HSD17B6: variants seen among roughly 807,000 people sequenced by gnomAD.
HSD17B6 encodes the protein 17-beta-hydroxysteroid dehydrogenase type 6.
A neutral mutation model predicts 26.4 loss-of-function variants in HSD17B6; 16 were observed. The ratio of observed to expected loss-of-function variants is 0.61; its 90% CI spans 0.41 to 0.92. The LOEUF is 0.92. Ranked by LOEUF, HSD17B6 falls within the 40% of genes least tolerant of loss-of-function variation. The pLI is 0.00. For missense variants in HSD17B6, 357 were observed against 386.1 expected, an observed-to-expected ratio of 0.92 and a Z score of 0.63; for synonymous variants, 139 against 153.0, an observed-to-expected ratio of 0.91 and a Z score of 0.68.
intron 1 of HSD17B6, among the ~76,000 whole-genome samples, chr12:56,768,181 A>C (rs1954385480): frequency 6.6e-6 from 1 of 152,122 alleles, no homozygotes; most frequent in South Asian, 2.1e-4. Flanking sequence ...AGGATCTAAG[A>C]ATCAGATAAA....
Position 56,787,189 on chromosome 12 carries a change from C to A in HSD17B6, c.801C>A (p.Cys267Ter). ...CSTNLNLVTD[C>*]MEHALTSVHP... Reference sequence around the variant, plus strand: ...CAAACCTGAACCTGGTCACTGACTGCATGGAACATGCTCTGACATCGGTGC... The same window carrying A: ...CAAACCTGAACCTGGTCACTGACTGAATGGAACATGCTCTGACATCGGTGC... The change falls in exon 5 of 5, where the codon TGC (cysteine) becomes TGA (stop). Residue 267 changes from cysteine to a stop codon, truncating the protein, a stop_gained. Coordinates refer to ENST00000322165, the MANE Select transcript of HSD17B6 (RefSeq NM_003725.4). LOFTEE classifies it low-confidence loss of function (END_TRUNC). 5.6e-6 allele frequency: 9 copies of A among 1,614,184 alleles called. No individual in the cohort carries two copies. The highest frequency in any genetic ancestry group is 6.8e-6 in the Non-Finnish European group (8 of 1,180,010).
intron 2 of HSD17B6, 99 bp from the exon 3 acceptor site, chr12:56,781,875 G>T: frequency 7.9e-7 from 1 of 1,263,518 alleles, no homozygotes; most frequent in Non-Finnish European, 1.1e-6. Context: ...GGTGGTTAGT[G>T]GTTATGATTC....
chr12:56,772,560 G>T (rs993045557), intron 1 of HSD17B6, among the ~76,000 whole-genome samples: 2 of 151,920 alleles, frequency 1.3e-5, no homozygotes, highest in Non-Finnish European at 2.9e-5. Context: ...GCCCGGCTTG[G>T]TGGCACGTGC....
rs777886944 is a variant in HSD17B6, at chr12:56,787,231, T to C, written c.843T>C (p.Tyr281=). ...CATCGGTGCATCCGCGAACTCGATA[T>C]TCAGCTGGCTGGGATGCTAAATTTT... The part of the protein sequence containing the change: ...ALTSVHPRTR[Y]SAGWDAKFFF... The change falls in exon 5 of 5, where the codon TAT becomes TAC. Residue 281 remains tyrosine, a synonymous_variant. Transcript: ENST00000322165. 1.2e-6 allele frequency: 2 copies of C among 1,614,202 alleles called. No individual in the cohort carries two copies. Among genetic ancestry groups the C allele is most frequent in the Non-Finnish European group, 1.7e-6 (2 of 1,180,002 alleles).
At chr12:56,765,165 G>A (rs191907384) in intron 1 of HSD17B6, among the ~76,000 whole-genome samples, 41 of 152,046 alleles carry the variant, frequency 2.7e-4, no homozygotes, top group African/African-American at 6.3e-4. Flanking sequence ...GGCTGGGTGC[G>A]GTGGCTCACG....
At chr12:56,773,745 T>C (rs1954526652) in intron 1 of HSD17B6, 89 bp from the exon 2 acceptor site, 7 of 1,217,858 alleles carry the variant, frequency 5.7e-6, no homozygotes, top group South Asian at 1.7e-5. Context: ...CCCTATCACC[T>C]AGTGCAATGC....
rs185448867 is a variant in HSD17B6, at chr12:56,773,821, T to G, written c.-19-13T>G. On this transcript the variant is annotated splice_polypyrimidine_tract_variant and intron_variant, in intron 1 of 4. Transcript: ENST00000322165. ...AATAAGGAAGGAATAAAATGTTTTC[T>G]TTCTATTGAAAGAGAAGGAAGCACC... 53 of 1,514,950 alleles carry G rather than the reference T, an allele frequency of 3.5e-5. 1 individual carries two copies. In the African/African-American group the frequency reaches 6.7e-4, roughly 19 times the overall value. The allele number at this position is 1,514,950 out of a possible 1,614,324, so 93.8% of individuals were successfully genotyped here.
chr12:56,786,840 C>A (rs1056122013), intron 4 of HSD17B6, among the ~76,000 whole-genome samples: 2 of 152,020 alleles, frequency 1.3e-5, no homozygotes, highest in African/African-American at 4.8e-5. Context: ...CAGAGCAAGA[C>A]CCTGTCTCAA....
Position 56,784,982 on chromosome 12 carries a change from T to C in HSD17B6, c.702T>C (p.Ile234=). 1 of 1,613,996 alleles carries C rather than the reference T, an allele frequency of 6.2e-7. No individual in the cohort carries two copies. Among genetic ancestry groups the C allele is most frequent in the Non-Finnish European group, 8.5e-7 (1 of 1,179,978 alleles). The change falls in exon 4 of 5, where the codon ATT becomes ATC. Residue 234 remains isoleucine, a synonymous_variant. Transcript: ENST00000322165. The part of the protein sequence containing the change: ...KQSWKEAPKH[I]KETYGQQYFD... ...GTTGGAAAGAAGCCCCCAAGCATAT[T>C]AAGGAGACCTATGGACAGCAGTATT...
chr12:56,783,180 G>A (rs1954764882), intron 3 of HSD17B6, among the ~76,000 whole-genome samples: 1 of 152,024 alleles, frequency 6.6e-6, no homozygotes, highest in African/African-American at 2.4e-5. Context: ...CGGGGTGGTG[G>A]CCGGGCAGAG....
At chr12:56,766,381 C>T (rs1421676657) in intron 1 of HSD17B6, among the ~76,000 whole-genome samples, 1 of 152,176 alleles carries the variant, frequency 6.6e-6, no homozygotes, top group East Asian at 1.9e-4. Context: ...TCTGTACTTG[C>T]CATGTTCCAG....
intron 1 of HSD17B6, among the ~76,000 whole-genome samples, chr12:56,764,710 G>T (rs529025392): frequency 6.6e-6 from 1 of 152,170 alleles, no homozygotes; most frequent in South Asian, 2.1e-4. Flanking sequence ...TTTTGAACAC[G>T]AGCACACAGG....
intron 3 of HSD17B6, among the ~76,000 whole-genome samples, chr12:56,783,522 C>T (rs1472024615): frequency 1.4e-5 from 2 of 142,366 alleles, no homozygotes; most frequent in African/African-American, 2.6e-5. Flanking sequence ...CCGGATGGGG[C>T]GGCCGGCCGG....
rs1484210092 is a variant in HSD17B6, at chr12:56,785,020, AG to A, written c.736+5del. The A allele has an allele frequency of 6.2e-7, 1 of 1,606,876 alleles. No homozygotes were observed. The highest frequency in any genetic ancestry group is 8.5e-7 in the Non-Finnish European group (1 of 1,178,304). The stretch of plus-strand genomic sequence containing the variant: ...GGACAGCAGTATTTTGATGCCCGTA[AG>A]CTTTTTTCTTTTGATAGGGATAATG... On this transcript the variant is annotated splice_donor_5th_base_variant and intron_variant, in intron 4 of 4. Coordinates refer to ENST00000322165, the MANE Select transcript of HSD17B6 (RefSeq NM_003725.4).
At chr12:56,786,122 G>A in intron 4 of HSD17B6, 1 of 205,056 alleles carries the variant, frequency 4.9e-6, no homozygotes, top group Non-Finnish European at 8.6e-6. Flanking sequence ...ACTTTAAATG[G>A]CTGAATTTTA....
At chr12:56,780,604 A>G (rs1954691965) in intron 2 of HSD17B6, among the ~76,000 whole-genome samples, 1 of 152,026 alleles carries the variant, frequency 6.6e-6, no homozygotes, top group Non-Finnish European at 1.5e-5. Flanking sequence ...CACATCTGTA[A>G]TCCCAGCACT....
chr12:56,773,237 A>T (rs550364425), intron 1 of HSD17B6, among the ~76,000 whole-genome samples: 1 of 152,290 alleles, frequency 6.6e-6, no homozygotes, highest in East Asian at 1.9e-4. Flanking sequence ...CCATTGTGAG[A>T]CAAATCTTCC....
intron 1 of HSD17B6, among the ~76,000 whole-genome samples, chr12:56,768,767 CGGGGGGGA>C (rs966369850): frequency 3.5e-4 from 6 of 17,232 alleles, no homozygotes; most frequent in African/African-American, 1.5e-3. Context: ...TGGCGGTGGG[CGGGGGGGA>C]GGGGGCGCAG....
intron 3 of HSD17B6, among the ~76,000 whole-genome samples, chr12:56,782,745 G>T (rs1954753239): frequency 1.3e-5 from 2 of 151,848 alleles, no homozygotes; most frequent in African/African-American, 4.8e-5. Context: ...ACTAGTGGGG[G>T]GAAGGTCAGC....
Sources: allele counts gnomAD v4.1 joint callset (sites outside exome capture counted in the v4.1 genomes callset), GRCh38; gene constraint gnomAD v4.1.1; transcripts MANE v1.5; gene names NCBI Gene and HGNC (gene_info 2026-07-23, HGNC 2026-07-21).